GRK1: variants seen among roughly 807,000 people sequenced by gnomAD.
GRK1 encodes G protein-coupled receptor kinase 1.
Under a neutral mutation model 41.7 loss-of-function variants are expected in GRK1, and 28 were observed. The observed-to-expected ratio is 0.67, with a 90% CI of 0.50 to 0.92. The LOEUF (loss-of-function observed/expected upper bound fraction) is 0.92, where lower values mean the gene tolerates loss of function less well. GRK1 is among the 40% of genes least tolerant of loss of function. The pLI, the probability that GRK1 is intolerant of heterozygous loss-of-function variation, is 0.00. For missense variants in GRK1, 703 were observed against 671.2 expected (o/e 1.05, Z -0.52); for synonymous variants, 327 against 286.7 (o/e 1.14, Z -1.42).
chr13:113,652,651 G>A, the GRK1 span: 2 of 648,660 alleles, frequency 3.1e-6, no homozygotes. Context: ...TGTTTTAGAG[G>A]GCCGGCTATG....
At chr13:113,732,774 T>C (rs2049946319) in intron 5 of GRK1, 110 bp from the exon 6 acceptor site, 2 of 1,174,104 alleles carry the variant, frequency 1.7e-6, no homozygotes, top group East Asian at 5.2e-5. Flanking sequence ...GCCTCATGGG[T>C]CCCCCACCCG....
chr13:113,654,727 G>A, the GRK1 span: 6 of 1,503,230 alleles, frequency 4.0e-6, no homozygotes, highest in Non-Finnish European at 5.3e-6. Flanking sequence ...TTCTGGGGAG[G>A]GCACGGGTCC....
the GRK1 span, chr13:113,655,076 A>C: frequency 7.4e-6 from 9 of 1,210,224 alleles, no homozygotes; most frequent in Admixed American, 2.4e-5. Context: ...CTCCCCCAAA[A>C]CAGAAACCCC....
rs1177129741 is a variant in GRK1, at chr13:113,671,804, G to A, written c.985+148G>A. ...GGCTGACGGCTTCGTGGACGGTGGA[G>A]GTGTCATCGGGCACCAGGAGTCACA... is the stretch of plus-strand genomic sequence containing the variant. On this transcript the variant is annotated intron_variant, in intron 3 of 6. Coordinates refer to ENST00000335678, the MANE Select transcript of GRK1 (RefSeq NM_002929.3). This position sits in a 1 kb window ranked among gnomAD's most constrained non-coding sequence, Gnocchi z 4.1. 1 of 649,784 alleles carries A rather than the reference G, an allele frequency of 1.5e-6. No homozygotes were observed. The highest frequency in any genetic ancestry group is 1.8e-5 in the African/African-American group (1 of 56,022). The allele number at this position is 649,784 out of a possible 1,614,324, so 40.3% of individuals were successfully genotyped here. A position where few individuals can be genotyped will look rare whatever the true frequency, so the allele number is the denominator to read the frequency against.
rs374642702 is a variant in GRK1, at chr13:113,667,587, C to T, written c.201C>T (p.Ile67=). Residue 67 remains isoleucine (I), a synonymous_variant, in exon 1 of 7, where the codon ATC becomes ATT. Transcript: ENST00000335678. The surrounding 1 kb of genome is among the most constrained non-coding windows in gnomAD (Gnocchi z 7.5). The part of the protein sequence containing the change: ...EFESVCLEQP[I]GKKLFQQFLQ... ...AGAGTGTGTGCTTGGAGCAGCCCATCGGCAAGAAGCTCTTTCAGCAGTTCC... is the reference window on the plus strand; with the variant it reads ...AGAGTGTGTGCTTGGAGCAGCCCATTGGCAAGAAGCTCTTTCAGCAGTTCC... 2.7e-5 allele frequency: 44 copies of T among 1,613,482 alleles called. No homozygotes were observed. The highest frequency in any genetic ancestry group is 5.3e-5 in the African/African-American group (4 of 74,938).
the GRK1 span, among the ~76,000 whole-genome samples, chr13:113,654,404 G>T: frequency 6.6e-6 from 1 of 152,134 alleles, no homozygotes; most frequent in African/African-American, 2.4e-5. Flanking sequence ...CTGGTCTCCC[G>T]GGTGTGCTCC....
chr13:113,651,765 C>T, the GRK1 span: 1 of 1,607,618 alleles, frequency 6.2e-7, no homozygotes, highest in Non-Finnish European at 8.5e-7. Flanking sequence ...GCTCCCCACC[C>T]CCACCGCCAT....
At chr13:113,652,834 C>T in the GRK1 span, 1 of 1,607,558 alleles carries the variant, frequency 6.2e-7, no homozygotes, top group East Asian at 2.2e-5. Context: ...CCTGACTGCA[C>T]TGTTGTAGTG....
intron 1 of GRK1, among the ~76,000 whole-genome samples, chr13:113,669,241 A>G (rs903473482): frequency 3.9e-5 from 6 of 152,342 alleles, no homozygotes; most frequent in South Asian, 2.1e-4. Context: ...AACTCGTTCA[A>G]TGGAGCATTG....
the GRK1 span, chr13:113,651,795 C>G: frequency 6.4e-7 from 1 of 1,565,962 alleles, no homozygotes; most frequent in African/African-American, 1.4e-5. Flanking sequence ...ACGGCACCCA[C>G]CCATGGAGCT....
At chr13:113,651,694 G>C in the GRK1 span, 1 of 1,613,684 alleles carries the variant, frequency 6.2e-7, no homozygotes. Context: ...TCCACTCTGG[G>C]GGCCGAGCCG....
chr13:113,735,345 G>A lies in GRK1; in HGVS notation c.1674G>A (p.Gly558=). 3 of 1,511,874 alleles carry A rather than the reference G, an allele frequency of 2.0e-6. No homozygotes were observed. The highest frequency in any genetic ancestry group is 2.7e-6 in the Non-Finnish European group (3 of 1,131,576). The allele number at this position is 1,511,874 out of a possible 1,614,324, so 93.7% of individuals were successfully genotyped here. Residue 558 remains glycine, a synonymous_variant, in exon 7 of 7, where the codon GGG becomes GGA. Transcript: ENST00000335678. ...SGGSSSSSKS[G]MCLVS ...GCTCCAGCTCCTCGTCCAAGTCAGG[G>A]ATGTGTCTGGTTTCCTAGGTGACGC...
chr13:113,732,865 G>T lies in GRK1; in HGVS notation c.1195-19G>T, dbSNP rs748535324. The T allele has an allele frequency of 7.9e-5, 122 of 1,535,194 alleles. No individual in the cohort carries two copies. The highest frequency in any genetic ancestry group is 5.0e-4 in the Middle Eastern group (3 of 6,004). On this transcript the variant is annotated intron_variant, in intron 5 of 6. Coordinates refer to ENST00000335678, the MANE Select transcript of GRK1 (RefSeq NM_002929.3). ...GAGAGGCGGGTCTGGCAGGGCTAAGGCTACGCGTGTCCCCACAGGTGGAGA... is the reference window on the plus strand; with the variant it reads ...GAGAGGCGGGTCTGGCAGGGCTAAGTCTACGCGTGTCCCCACAGGTGGAGA...
chr13:113,662,268 A>G (rs1459569311), upstream of GRK1, among the ~76,000 whole-genome samples: 3 of 152,246 alleles, frequency 2.0e-5, no homozygotes, highest in Admixed American at 6.5e-5. Context: ...TTCAGCTTCC[A>G]TGTGACAAAA....
rs1594580372 is a variant in GRK1 at position 113,733,007 on chromosome 13, G to A, written c.1318G>A (p.Gly440Arg). 6.5e-7 allele frequency: 1 copy of A among 1,537,122 alleles called. No homozygotes were observed. Among genetic ancestry groups the A allele is most frequent in the Non-Finnish European group, 8.7e-7 (1 of 1,146,912 alleles). Reference protein sequence around the residue: ...LLEKDPEKRLGFRDETCDKLR... With the variant: ...LLEKDPEKRLRFRDETCDKLR... ...GGAGAAGGACCCGGAGAAGCGCCTG[G>A]GGTTCAGAGATGAGACCTGCGACAA... is the stretch of plus-strand genomic sequence containing the variant. Residue 440 changes from glycine (G) to arginine (R), a missense_variant, in exon 6 of 7, where the codon GGG becomes AGG. Gly to Arg is a moderately radical substitution (Grantham distance 125, BLOSUM62 -2). Transcript: ENST00000335678.
At chr13:113,655,000 C>T in the GRK1 span, 19 of 1,604,188 alleles carry the variant, frequency 1.2e-5, no homozygotes, top group African/African-American at 2.7e-5. Context: ...GCACACAATT[C>T]GGTGGCCTTG....
intron 4 of GRK1, among the ~76,000 whole-genome samples, chr13:113,727,731 T>G (rs2049899560): frequency 1.0e-5 from 1 of 97,704 alleles, no homozygotes; most frequent in South Asian, 4.5e-4. Flanking sequence ...CGATGAGGAG[T>G]ACCCATGGCG....
chr13:113,724,325 C>T (rs748909633), intron 4 of GRK1, among the ~76,000 whole-genome samples: 1 of 152,226 alleles, frequency 6.6e-6, no homozygotes, highest in Non-Finnish European at 1.5e-5. Context: ...CTCTCTCCTC[C>T]GCAGTCTTGA....
intron 6 of GRK1, among the ~76,000 whole-genome samples, chr13:113,733,691 G>C (rs1367459851): frequency 2.0e-5 from 3 of 147,844 alleles, no homozygotes; most frequent in African/African-American, 7.5e-5. Flanking sequence ...ATGTATGTGT[G>C]CATACATGTG....
Sources: allele counts gnomAD v4.1 joint callset (sites outside exome capture counted in the v4.1 genomes callset), GRCh38; gene constraint gnomAD v4.1.1; non-coding constraint Gnocchi (gnomAD v3.1); transcripts MANE v1.5; gene names NCBI Gene and HGNC (gene_info 2026-07-23, HGNC 2026-07-21).